DLGAP1: variants seen among roughly 807,000 people sequenced by gnomAD.
DLGAP1 encodes DLG associated protein 1, also known as disks large-associated protein 1.
In DLGAP1, 11 loss-of-function variants were observed where a neutral mutation model predicts 90.8. The ratio of observed to expected loss-of-function variants is 0.12; its 90% CI spans 0.08 to 0.20. The LOEUF (loss-of-function observed/expected upper bound fraction) is 0.20, where lower values mean the gene tolerates loss of function less well. Ranked by LOEUF, DLGAP1 falls within the 10% of genes least tolerant of loss-of-function variation. DLGAP1 has a pLI of 1.00. For synonymous variants in DLGAP1, 558 were observed against 540.7 expected, an observed-to-expected ratio of 1.03 and a Z score of -0.44; for missense variants, 1,050 against 1,333.8, an observed-to-expected ratio of 0.79 and a Z score of 3.31.
At chr18:3,551,904 A>G (rs746941757) in intron 9 of DLGAP1, among the ~76,000 whole-genome samples, 18 of 150,470 alleles carry the variant, frequency 1.2e-4, no homozygotes, top group Non-Finnish European at 2.7e-4. Context: ...TCAGCCTCCC[A>G]AGTAGCTGGG....
intron 8 of DLGAP1, chr18:3,580,680 A>G: frequency 6.2e-7 from 1 of 1,611,664 alleles, no homozygotes; most frequent in South Asian, 1.1e-5. Context: ...GCCCCTGAGG[A>G]CGACGGTGGC....
intron 4 of DLGAP1, among the ~76,000 whole-genome samples, chr18:3,835,227 A>T (rs541687412): frequency 6.6e-6 from 1 of 152,334 alleles, no homozygotes; most frequent in East Asian, 1.9e-4. Flanking sequence ...TTAAAAATAG[A>T]TGAGATGACA....
At chr18:3,604,810 A>C (rs1386349830) in intron 7 of DLGAP1, among the ~76,000 whole-genome samples, 2 of 152,208 alleles carry the variant, frequency 1.3e-5, no homozygotes, top group Non-Finnish European at 2.9e-5. Flanking sequence ...ATGCAGTTTC[A>C]CCATTTAGAA....
At chr18:4,087,793 C>A (rs2143703112) in intron 2 of DLGAP1, among the ~76,000 whole-genome samples, 1 of 152,196 alleles carries the variant, frequency 6.6e-6, no homozygotes, top group South Asian at 2.1e-4. Flanking sequence ...TATTTTCATC[C>A]TTTTACTCTT....
intron 3 of DLGAP1, among the ~76,000 whole-genome samples, chr18:3,893,422 T>C (rs1304053889): frequency 6.6e-6 from 1 of 151,520 alleles, no homozygotes; most frequent in African/African-American, 2.4e-5. Context: ...ACTAAAAAAA[T>C]ACAAAAATTA....
intron 2 of DLGAP1, among the ~76,000 whole-genome samples, chr18:4,146,348 G>A (rs564010145): frequency 6.6e-6 from 1 of 152,270 alleles, no homozygotes; most frequent in East Asian, 1.9e-4. Flanking sequence ...TGAAAGAGCC[G>A]AGTTTTGAAT....
chr18:3,563,621 C>T (rs1309629978), intron 9 of DLGAP1, among the ~76,000 whole-genome samples: 2 of 152,122 alleles, frequency 1.3e-5, no homozygotes, highest in African/African-American at 2.4e-5. Flanking sequence ...AGGCATGCAC[C>T]ACCATACCCG....
intron 7 of DLGAP1, among the ~76,000 whole-genome samples, chr18:3,620,473 C>G (rs1222645933): frequency 6.6e-6 from 1 of 152,076 alleles, no homozygotes; most frequent in Non-Finnish European, 1.5e-5. Context: ...GTGGGTGTAA[C>G]TGGTGACAGC....
chr18:3,685,420 C>T lies in DLGAP1; in HGVS notation c.1591+43715G>A, dbSNP rs370204087. ...CTACTAAAAAATACAAAAAATTAGC[C>T]GGGTGTGGTGGCGGGCACCTATGGT... On this transcript the variant is annotated intron_variant, in intron 7 of 12. Transcript: ENST00000315677. Among the ~76,000 whole-genome samples, 5 of 151,818 alleles carry T rather than the reference C, an allele frequency of 3.3e-5. No individual in the cohort carries two copies. In the East Asian group the frequency reaches 5.8e-4, roughly 18 times the overall value.
intron 1 of DLGAP1, among the ~76,000 whole-genome samples, chr18:4,286,516 A>T (rs1001777717): frequency 6.6e-6 from 1 of 151,496 alleles, no homozygotes; most frequent in Non-Finnish European, 1.5e-5. Context: ...AGGACTCCAG[A>T]ATTTCAGAGC....
intron 1 of DLGAP1, among the ~76,000 whole-genome samples, chr18:4,329,741 T>A (rs1262076311): frequency 6.6e-6 from 1 of 152,054 alleles, no homozygotes. Context: ...GCTTTCATGC[T>A]ATTATAAATT....
At position 4,066,416 on chromosome 18, in the gene DLGAP1, C is replaced by T. The variant is rs116937937; in HGVS notation, c.-158-61215G>A. 1.2e-3 allele frequency among the ~76,000 whole-genome samples: 184 copies of T among 152,088 alleles called. 2 individuals carry two copies. The East Asian group carries it at 0.025, about 21-fold the overall frequency. The stretch of plus-strand genomic sequence containing the variant: ...CAACCTACAAAATAGGGAAAAGTTT[C>T]GCAATCTATGCATCTGACAAGGTCT... On this transcript the variant is annotated intron_variant, in intron 2 of 12. Transcript: ENST00000315677.
chr18:3,996,716 A>G (rs765969512), intron 3 of DLGAP1, among the ~76,000 whole-genome samples: 1 of 152,084 alleles, frequency 6.6e-6, no homozygotes, highest in African/African-American at 2.4e-5. Context: ...GTATTCCTCT[A>G]TCTGAATAAA....
chr18:3,803,876 T>C (rs994472830), intron 5 of DLGAP1, among the ~76,000 whole-genome samples: 1 of 150,986 alleles, frequency 6.6e-6, no homozygotes, highest in African/African-American at 2.4e-5. Flanking sequence ...TACTTATTTA[T>C]GTTAAACAAT....
At chr18:4,190,091 C>A (rs1024596161) in intron 1 of DLGAP1, among the ~76,000 whole-genome samples, 1 of 151,946 alleles carries the variant, frequency 6.6e-6, no homozygotes, top group Admixed American at 6.6e-5. Flanking sequence ...AAAACCTGCA[C>A]ACGAAAGCTA....
intron 1 of DLGAP1, among the ~76,000 whole-genome samples, chr18:4,189,628 A>G (rs1369497249): frequency 6.6e-6 from 1 of 152,206 alleles, no homozygotes; most frequent in Non-Finnish European, 1.5e-5. Flanking sequence ...CTAAGTTTAT[A>G]TGGAAAGACA....
At chr18:3,520,907 C>A (rs1397139857) in intron 10 of DLGAP1, among the ~76,000 whole-genome samples, 1 of 152,214 alleles carries the variant, frequency 6.6e-6, no homozygotes, top group African/African-American at 2.4e-5. Context: ...GCCTTTGGCA[C>A]AGAGGAAACT....
chr18:4,321,520 C>G (rs1348877044), intron 1 of DLGAP1, among the ~76,000 whole-genome samples: 1 of 152,102 alleles, frequency 6.6e-6, no homozygotes, highest in Non-Finnish European at 1.5e-5. Flanking sequence ...TAAAAGTAGT[C>G]CCCACCCCAC....
rs9956325 is a variant in DLGAP1 at position 3,617,989 on chromosome 18, A to G, written c.1592-35741T>C. On this transcript the variant is annotated intron_variant, in intron 7 of 12. Transcript: ENST00000315677. Reference sequence around the variant, plus strand: ...GAGGCGGAGGTTGCTGTGAGCCAAGATCGTGCCATTGCCCTCCAGCCTGGG... The same window carrying G: ...GAGGCGGAGGTTGCTGTGAGCCAAGGTCGTGCCATTGCCCTCCAGCCTGGG... 6.9e-3 allele frequency among the ~76,000 whole-genome samples: 1,051 copies of G among 152,314 alleles called. 10 individuals carry two copies. The highest frequency in any genetic ancestry group is 0.023 in the African/African-American group (963 of 41,574).
Sources: allele counts gnomAD v4.1 joint callset (sites outside exome capture counted in the v4.1 genomes callset), GRCh38; gene constraint gnomAD v4.1.1; transcripts MANE v1.5; gene names NCBI Gene and HGNC (gene_info 2026-07-23, HGNC 2026-07-21).